Variants in MESP1 observed in about 807,000 individuals in gnomAD.
The protein encoded by MESP1 is mesoderm posterior protein 1.
Under a neutral mutation model 15.2 loss-of-function variants are expected in MESP1, and 22 were observed. The ratio of observed to expected loss-of-function variants is 1.45; its 90% confidence interval spans 1.04 to 2.07. MESP1 has a LOEUF of 2.07. MESP1 is among the 30% of genes most tolerant of loss of function. MESP1 has a pLI of 0.00. For missense variants in MESP1, 484 were observed against 411.9 expected (o/e 1.17, Z -1.51); for synonymous variants, 216 against 192.6 (o/e 1.12, Z -1.01).
At chr15:89,743,886 C>A in the MESP1 span, among the ~76,000 whole-genome samples, 1 of 152,134 alleles carries the variant, frequency 6.6e-6, no homozygotes, top group Non-Finnish European at 1.5e-5. Flanking sequence ...AGGATGGTGG[C>A]GTAAGGGCCT....
downstream of MESP1, chr15:89,749,685 C>G (rs1358088260): frequency 6.2e-6 from 1 of 160,016 alleles, no homozygotes; most frequent in Admixed American, 6.1e-5. Context: ...GGACGTCCCT[C>G]CCCACCCATT....
chr15:89,737,707 C>T, the MESP1 span: 6 of 1,614,194 alleles, frequency 3.7e-6, no homozygotes, highest in South Asian at 5.5e-5. Flanking sequence ...TGTCTCCAGA[C>T]CATCCATGTT....
the MESP1 span, chr15:89,743,587 C>A: frequency 1.7e-6 from 1 of 593,472 alleles, no homozygotes; most frequent in Non-Finnish European, 3.0e-6. Context: ...CTTGTCAGAG[C>A]CCTCAGGCAG....
At chr15:89,736,955 C>T in the MESP1 span, among the ~76,000 whole-genome samples, 1 of 152,132 alleles carries the variant, frequency 6.6e-6, no homozygotes, top group Non-Finnish European at 1.5e-5. Flanking sequence ...GCACGCCAGG[C>T]TAATTTTTTG....
chr15:89,750,963 C>T lies in MESP1; in HGVS notation c.269G>A (p.Arg90Gln), dbSNP rs992979045. Reference protein sequence around the residue: ...GSGQRQSASEREKLRMRTLAR... With the variant: ...GSGQRQSASEQEKLRMRTLAR... ...CAGCGTGCGCATGCGCAGTTTCTCC[C>T]GCTCACTGGCGCTCTGCCTCTGCCC... The change falls in exon 1 of 2, where the codon CGG (arginine) becomes CAG (glutamine). Residue 90 changes from arginine (R) to glutamine (Q), a missense_variant. Transcript: ENST00000300057. 7.7e-6 allele frequency: 11 copies of T among 1,437,026 alleles called. No homozygotes were observed. Among genetic ancestry groups the T allele is most frequent in the Non-Finnish European group, 9.1e-6 (10 of 1,099,632 alleles). 89.0% of individuals were successfully genotyped at this position (1,437,026 alleles called of 1,614,324 possible). A position where few individuals can be genotyped will look rare whatever the true frequency, so the allele number is the denominator to read the frequency against.
downstream of MESP1, among the ~76,000 whole-genome samples, chr15:89,745,389 C>T (rs1168439138): frequency 6.6e-6 from 1 of 152,170 alleles, no homozygotes; most frequent in Non-Finnish European, 1.5e-5. The surrounding 1 kb of genome is among the most constrained non-coding windows in gnomAD (Gnocchi z 4.8). Flanking sequence ...TCCGCCTGTG[C>T]AGCCCCAGGC....
In MESP1 at chr15:89,750,833, G is replaced by A; in HGVS notation, c.399C>T (p.Ile133=). The A allele has an allele frequency of 1.3e-6, 2 of 1,530,022 alleles. No homozygotes were observed. The highest frequency in any genetic ancestry group is 1.7e-6 in the Non-Finnish European group (2 of 1,144,150). 94.8% of individuals were successfully genotyped at this position (1,530,022 alleles called of 1,614,324 possible). Residue 133 remains isoleucine, a synonymous_variant, in exon 1 of 2, where the codon ATC becomes ATT. Transcript: ENST00000300057. ...IETLRLAIRY[I]GHLSAVLGLS... ...GGCCTAGCACGGCCGACAGGTGGCC[G>A]ATATAGCGGATAGCCAGGCGCAGCG...
chr15:89,743,794 C>T, the MESP1 span, among the ~76,000 whole-genome samples: 5 of 152,332 alleles, frequency 3.3e-5, no homozygotes, highest in African/African-American at 4.8e-5. Flanking sequence ...CAAGACACCC[C>T]GCCCACCTGT....
the MESP1 span, chr15:89,737,686 A>G: frequency 1.2e-6 from 2 of 1,614,122 alleles, no homozygotes; most frequent in Non-Finnish European, 1.7e-6. Context: ...CCTGGAAGCC[A>G]GTGTTTGCTG....
the MESP1 span, chr15:89,738,118 T>A: frequency 6.2e-7 from 1 of 1,614,070 alleles, no homozygotes; most frequent in Non-Finnish European, 8.5e-7. Flanking sequence ...TTTTGAGGCC[T>A]GCCCACTCCT....
In MESP1 at chr15:89,750,989, G is replaced by T. The variant is rs941041002; in HGVS notation, c.243C>A (p.Ser81Arg). The change falls in exon 1 of 2, where the codon AGC becomes AGA. Residue 81 changes from serine (S) to arginine (R), a missense_variant. Ser to Arg is a moderately radical substitution (Grantham distance 110). Coordinates refer to ENST00000300057, the MANE Select transcript of MESP1 (RefSeq NM_018670.4). ...GCTCACTGGCGCTCTGCCTCTGCCC[G>T]CTGCCCAGGCGGCTGCTGCGCGCGC... ...RRGARSSRLG[S>R]GQRQSASERE... The T allele has an allele frequency of 1.2e-5, 17 of 1,399,926 alleles. 1 individual carries two copies. Among genetic ancestry groups the T allele is most frequent in the Middle Eastern group, 2.1e-4 (1 of 4,806 alleles). The allele number at this position is 1,399,926 out of a possible 1,614,324, so 86.7% of individuals were successfully genotyped here.
Position 89,750,228 on chromosome 15 carries a change from C to G in MESP1, c.724-1G>C. ...GAGCCAGCACGTCGCCCGGAAGGAGCTGTAGGGAGAGACGGAACAGCGCAG... is the reference window on the plus strand; with the variant it reads ...GAGCCAGCACGTCGCCCGGAAGGAGGTGTAGGGAGAGACGGAACAGCGCAG... On this transcript the variant is annotated splice_acceptor_variant, in intron 1 of 1. Transcript: ENST00000300057. LOFTEE classifies it high-confidence loss of function. 6.2e-7 allele frequency: 1 copy of G among 1,613,884 alleles called. No homozygotes were observed. Among genetic ancestry groups the G allele is most frequent in the Non-Finnish European group, 8.5e-7 (1 of 1,179,938 alleles).
At chr15:89,743,363 C>T in the MESP1 span, 37 of 1,614,026 alleles carry the variant, frequency 2.3e-5, no homozygotes, top group Admixed American at 5.0e-5. Context: ...TACTCCTTGT[C>T]GCTCCAGAGA....
the MESP1 span, among the ~76,000 whole-genome samples, chr15:89,742,313 A>G: frequency 6.6e-6 from 1 of 152,112 alleles, no homozygotes; most frequent in South Asian, 2.1e-4. Context: ...AATCAAAGCT[A>G]TGGTCATTGT....
the MESP1 span, among the ~76,000 whole-genome samples, chr15:89,740,139 G>A: frequency 2.6e-5 from 4 of 152,182 alleles, no homozygotes; most frequent in African/African-American, 9.7e-5. Context: ...AAAGTACCAG[G>A]CACAGAGTGG....
downstream of MESP1, chr15:89,749,499 C>G (rs754058641): frequency 6.6e-6 from 1 of 152,336 alleles, no homozygotes; most frequent in Non-Finnish European, 1.5e-5. Flanking sequence ...TGGGCTTGAG[C>G]GCTGATCCTC....
At position 89,750,498 on chromosome 15, in the gene MESP1, G is replaced by C. The variant is rs2141754919; in HGVS notation, c.723+11C>G. 1.3e-6 allele frequency: 2 copies of C among 1,495,578 alleles called. No homozygotes were observed. Among genetic ancestry groups the C allele is most frequent in the Admixed American group, 2.2e-5 (1 of 45,432 alleles). 92.6% of individuals were successfully genotyped at this position (1,495,578 alleles called of 1,614,324 possible). A position where few individuals can be genotyped will look rare whatever the true frequency, so the allele number is the denominator to read the frequency against. The stretch of plus-strand genomic sequence containing the variant: ...CACGGACGAAGGGGGCGCGGGGAAG[G>C]GGACACTAACCGGGGACGGTGGGCT... On this transcript the variant is annotated intron_variant, in intron 1 of 1. Coordinates refer to ENST00000300057, the MANE Select transcript of MESP1 (RefSeq NM_018670.4).
chr15:89,747,342 C>A (rs1413969289), downstream of MESP1, among the ~76,000 whole-genome samples: 2 of 152,166 alleles, frequency 1.3e-5, no homozygotes, highest in Admixed American at 6.5e-5. Context: ...AATTTTAAGC[C>A]CCAAGCACAC....
the MESP1 span, among the ~76,000 whole-genome samples, chr15:89,732,569 T>C: frequency 6.6e-6 from 1 of 152,030 alleles, no homozygotes; most frequent in South Asian, 2.1e-4. Flanking sequence ...TTGACCAAAA[T>C]AGCTTGTTTT....
Sources: allele counts gnomAD v4.1 joint callset (sites outside exome capture counted in the v4.1 genomes callset), GRCh38; gene constraint gnomAD v4.1.1; non-coding constraint Gnocchi (gnomAD v3.1); transcripts MANE v1.5; gene names NCBI Gene and HGNC (gene_info 2026-07-23, HGNC 2026-07-21).